Variants in BAG3 observed in about 807,000 individuals in gnomAD.
BAG3 encodes BAG family molecular chaperone regulator 3.
A neutral mutation model predicts 40.5 loss-of-function variants in BAG3; 14 were observed. The ratio of observed to expected loss-of-function variants is 0.35; its 90% CI spans 0.23 to 0.54. The LOEUF is 0.54. Ranked by LOEUF, BAG3 falls within the 20% of genes least tolerant of loss-of-function variation. The probability of loss-of-function intolerance (pLI) is 0.91; values close to 1 mark genes in which losing one functional copy is unlikely to be tolerated. For missense variants in BAG3, 788 were observed against 758.6 expected, an observed-to-expected ratio of 1.04 and a Z score of -0.46; for synonymous variants, 302 against 307.8, an observed-to-expected ratio of 0.98 and a Z score of 0.20.
chr10:119,671,269 C>CT (rs1847146310), intron 2 of BAG3, among the ~76,000 whole-genome samples: 1 of 152,190 alleles, frequency 6.6e-6, no homozygotes, highest in Admixed American at 6.5e-5. Flanking sequence ...GATCGCACCA[C>CT]TGCACTCCAG....
intron 2 of BAG3, 95 bp downstream of exon 2, chr10:119,670,272 C>G: frequency 7.5e-7 from 1 of 1,342,182 alleles, no homozygotes; most frequent in Non-Finnish European, 9.9e-7. Flanking sequence ...CTGGGCCAGG[C>G]ACCTGTTCAC....
intron 1 of BAG3, among the ~76,000 whole-genome samples, chr10:119,667,215 G>A (rs765494547): frequency 1.3e-5 from 2 of 152,150 alleles, no homozygotes; most frequent in Admixed American, 6.5e-5. Flanking sequence ...GACCTCAGGT[G>A]ATCTGCCCGC....
intron 3 of BAG3, among the ~76,000 whole-genome samples, 168 bp from the exon 4 acceptor site, chr10:119,676,296 A>G (rs923815186): frequency 2.0e-5 from 3 of 152,096 alleles, no homozygotes; most frequent in Non-Finnish European, 4.4e-5. Context: ...GATTAATACC[A>G]TGTTTTTATT....
intron 1 of BAG3, among the ~76,000 whole-genome samples, chr10:119,653,466 A>AT (rs1846870680): frequency 6.6e-6 from 1 of 152,204 alleles, no homozygotes; most frequent in Admixed American, 6.5e-5. Context: ...GAACATAAAC[A>AT]TTCCCAGCAC....
At chr10:119,653,750 G>C (rs1846874072) in intron 1 of BAG3, among the ~76,000 whole-genome samples, 1 of 152,156 alleles carries the variant, frequency 6.6e-6, no homozygotes, top group Non-Finnish European at 1.5e-5. Context: ...AGAGAGTTCA[G>C]GTGTGACTTT....
In BAG3 at chr10:119,672,672, C is replaced by T. The variant is rs538411146; in HGVS notation, c.909+16C>T. 46 of 1,610,482 alleles carry T rather than the reference C, an allele frequency of 2.9e-5. No individual in the cohort carries two copies. The African/African-American group carries it at 4.4e-4, about 15-fold the overall frequency. On this transcript the variant is annotated intron_variant, in intron 3 of 3. Coordinates refer to ENST00000369085, the MANE Select transcript of BAG3 (RefSeq NM_004281.4). This position sits in a 1 kb window ranked among gnomAD's most constrained non-coding sequence, Gnocchi z 4.8. ...CAGGCCTCAGGTACGGGAAGTTAGT[C>T]GTCAGCAGACTGGTTATGGTGGTAT...
chr10:119,667,365 A>T (rs921633892), intron 1 of BAG3, among the ~76,000 whole-genome samples: 4 of 152,204 alleles, frequency 2.6e-5, no homozygotes, highest in African/African-American at 9.7e-5. Flanking sequence ...ATTTATTGCC[A>T]GTCTTCCGGG....
chr10:119,665,751 A>C (rs1451323510), intron 1 of BAG3, among the ~76,000 whole-genome samples: 2 of 144,928 alleles, frequency 1.4e-5, no homozygotes, highest in Non-Finnish European at 3.0e-5. Context: ...TTAATTGCCT[A>C]TTTTGTGAAA....
At chr10:119,665,067 G>C (rs558800624) in intron 1 of BAG3, among the ~76,000 whole-genome samples, 1 of 111,128 alleles carries the variant, frequency 9.0e-6, no homozygotes, top group Admixed American at 9.9e-5. Context: ...ACAGGCACCC[G>C]CCACCACACA....
At chr10:119,676,406 ACAATTTCTGTGACT>A in intron 3 of BAG3, 44 bp from the exon 4 acceptor site, 1 of 1,583,606 alleles carries the variant, frequency 6.3e-7, no homozygotes, top group Non-Finnish European at 8.7e-7. Flanking sequence ...CTAGCTACAA[ACAATTTCTGTGACT>A]TTCAGTCAGT....
intron 1 of BAG3, among the ~76,000 whole-genome samples, chr10:119,658,473 C>G (rs1319289588): frequency 6.6e-6 from 1 of 152,216 alleles, no homozygotes; most frequent in Non-Finnish European, 1.5e-5. Context: ...GATGACTCAG[C>G]ATGGAGCGCT....
chr10:119,676,903 A>G lies in BAG3; in HGVS notation c.1349A>G (p.Lys450Arg). Residue 450 changes from lysine (K) to arginine (R), a missense_variant, in exon 4 of 4, where the codon AAG becomes AGG. Transcript: ENST00000369085. ...DNFEGKKTDKKYLMIEEYLTK... is the reference protein window; with the variant it reads ...DNFEGKKTDKRYLMIEEYLTK... ...TTTGAAGGCAAGAAGACTGACAAAA[A>G]GTACCTGATGATCGAAGAGTATTTG... 1 of 1,614,244 alleles carries G rather than the reference A, an allele frequency of 6.2e-7. No homozygotes were observed. The highest frequency in any genetic ancestry group is 8.5e-7 in the Non-Finnish European group (1 of 1,180,036).
At chr10:119,669,179 G>A (rs188312582) in intron 1 of BAG3, among the ~76,000 whole-genome samples, 20 of 152,248 alleles carry the variant, frequency 1.3e-4, no homozygotes, top group African/African-American at 4.8e-5. Context: ...GAGATGCTTC[G>A]GAAGCCTAAG....
intron 3 of BAG3, among the ~76,000 whole-genome samples, chr10:119,675,768 CCTCCTTCCCT>C: frequency 9.4e-6 from 1 of 106,580 alleles, no homozygotes. Context: ...TCCTTCCTTC[CCTCCTTCCCT>C]CCCCCTCCCT....
chr10:119,654,984 C>G (rs1347985696), intron 1 of BAG3, among the ~76,000 whole-genome samples: 1 of 152,218 alleles, frequency 6.6e-6, no homozygotes, highest in Non-Finnish European at 1.5e-5. Context: ...ACCCCATGTT[C>G]AAATCTGAAT....
At chr10:119,656,999 C>G (rs1052664710) in intron 1 of BAG3, among the ~76,000 whole-genome samples, 1 of 152,116 alleles carries the variant, frequency 6.6e-6, no homozygotes, top group African/African-American at 2.4e-5. Flanking sequence ...GACAGACTTG[C>G]CTTTAGCGGG....
intron 3 of BAG3, among the ~76,000 whole-genome samples, chr10:119,675,919 T>TCCTCCCTCCCTCCCTC (rs762367884): frequency 5.9e-4 from 6 of 10,134 alleles, no homozygotes; most frequent in Admixed American, 1.4e-3. Flanking sequence ...CTTCCTTCCT[T>TCCTCCCTCCCTCCCTC]CCTCCCTCCC....
rs1420012129 is a variant in BAG3, at chr10:119,677,801, GTAA to G, written c.*525_*527del. On this transcript the variant is annotated 3_prime_UTR_variant, in exon 4 of 4. Coordinates refer to ENST00000369085, the MANE Select transcript of BAG3 (RefSeq NM_004281.4). ...CTACATTTTAAAAAAAGAAAATAAA[GTAA>G]TAATATAACTCAAAATGGTTTTTGT... 6.2e-6 allele frequency: 1 copy of G among 161,548 alleles called. No homozygotes were observed. Among genetic ancestry groups the G allele is most frequent in the Non-Finnish European group, 1.4e-5 (1 of 72,892 alleles). 10.0% of individuals were successfully genotyped at this position (161,548 alleles called of 1,614,324 possible). A position where few individuals can be genotyped will look rare whatever the true frequency, so the allele number is the denominator to read the frequency against.
At position 119,669,954 on chromosome 10, in the gene BAG3, C is replaced by A. The variant is rs869025364; in HGVS notation, c.284C>A (p.Pro95His). Reference protein sequence around the residue: ...VYPQLRPGYIPIPVLHEGAEN... With the variant: ...VYPQLRPGYIHIPVLHEGAEN... ...CCCCAGCTCCGACCAGGCTACATTC[C>A]CATTCCTGTGCTCCATGAAGGCGCT... The change falls in exon 2 of 4, where the codon CCC becomes CAC. Residue 95 changes from proline to histidine, a missense_variant. By Grantham distance (77) the Pro-to-His change is moderately conservative (BLOSUM62 -2). Coordinates refer to ENST00000369085, the MANE Select transcript of BAG3 (RefSeq NM_004281.4). 1.9e-6 allele frequency: 3 copies of A among 1,614,234 alleles called. No individual in the cohort carries two copies. In the Admixed American group the frequency reaches 5.0e-5, roughly 27 times the overall value.
Sources: gnomAD v4.1 joint callset for allele counts (sites outside exome capture counted in the v4.1 genomes callset) on GRCh38, gnomAD v4.1.1 for gene constraint, Gnocchi (gnomAD v3.1) non-coding constraint, MANE v1.5 for transcripts, NCBI Gene and HGNC (gene_info 2026-07-23, HGNC 2026-07-21) for gene names.